The following ITGA8 variants were observed in gnomAD, a reference collection of about 807,000 sequenced individuals.
The protein encoded by ITGA8 is integrin alpha-8.
A neutral mutation model predicts 142.3 loss-of-function variants in ITGA8; 91 were observed. The ratio of observed to expected loss-of-function variants is 0.64; its 90% CI spans 0.54 to 0.76. The LOEUF is 0.76. Among genes scored for constraint, ITGA8 ranks in the 30% least tolerant of loss-of-function variants. The pLI, the probability that ITGA8 is intolerant of heterozygous loss-of-function variation, is 0.00. For missense variants in ITGA8, 1,406 were observed against 1,327.7 expected (o/e 1.06, Z -0.92); for synonymous variants, 505 against 485.2 (o/e 1.04, Z -0.54).
intron 28 of ITGA8, among the ~76,000 whole-genome samples, chr10:15,521,518 G>T (rs1055829169): frequency 3.3e-5 from 5 of 152,288 alleles, no homozygotes; most frequent in Middle Eastern, 3.4e-3. Flanking sequence ...AGTGAGATAG[G>T]GAGAGAGTCA....
chr10:15,687,433 T>G (rs562940771), intron 3 of ITGA8, among the ~76,000 whole-genome samples: 1 of 152,264 alleles, frequency 6.6e-6, no homozygotes, highest in Non-Finnish European at 1.5e-5. Flanking sequence ...AGCTGAAAGA[T>G]TATCTATTTG....
At chr10:15,600,158 C>T (rs559457131) in intron 20 of ITGA8, among the ~76,000 whole-genome samples, 96 of 152,164 alleles carry the variant, frequency 6.3e-4, no homozygotes, top group African/African-American at 1.4e-3. Flanking sequence ...ATGTGCACAA[C>T]GTGCAGGTTT....
At chr10:15,613,945 C>T (rs770303932) in intron 14 of ITGA8, among the ~76,000 whole-genome samples, 178 bp from the exon 15 acceptor site, 11 of 152,160 alleles carry the variant, frequency 7.2e-5, no homozygotes, top group Non-Finnish European at 1.5e-4. Context: ...GGGTATCACA[C>T]TCAACTAATT....
intron 3 of ITGA8, 97 bp downstream of exon 3, chr10:15,687,841 T>C: frequency 1.3e-6 from 1 of 746,008 alleles, no homozygotes; most frequent in Non-Finnish European, 2.4e-6. Flanking sequence ...GTCTAACATG[T>C]TCCTTTAGGA....
At chr10:15,612,315 C>T (rs1833312950) in intron 15 of ITGA8, among the ~76,000 whole-genome samples, 1 of 152,122 alleles carries the variant, frequency 6.6e-6, no homozygotes, top group Non-Finnish European at 1.5e-5. Flanking sequence ...TGTCAAAAGG[C>T]CATCAACAAC....
In ITGA8 at chr10:15,606,268, G is replaced by A; in HGVS notation, c.1902+17C>T. 6.3e-7 allele frequency: 1 copy of A among 1,582,360 alleles called. No homozygotes were observed. Among genetic ancestry groups the A allele is most frequent in the Non-Finnish European group, 8.6e-7 (1 of 1,156,162 alleles). On this transcript the variant is annotated intron_variant, in intron 18 of 29. Transcript: ENST00000378076. ...GCTTGCTTGAGAAAATGCCGTCAAA[G>A]ACTGTGAAGGACTTACCTGTTCACT...
intron 2 of ITGA8, among the ~76,000 whole-genome samples, chr10:15,694,177 A>G (rs1241610488): frequency 1.4e-5 from 2 of 142,918 alleles, no homozygotes; most frequent in East Asian, 2.0e-4. Flanking sequence ...TATATCAGAT[A>G]ATATATCATA....
chr10:15,687,900 C>T, intron 3 of ITGA8, 38 bp downstream of exon 3: 1 of 1,235,370 alleles, frequency 8.1e-7, no homozygotes, highest in Non-Finnish European at 1.2e-6. Flanking sequence ...GCACACCATA[C>T]TCCAAAGCAG....
chr10:15,595,446 G>A (rs1832996313), intron 21 of ITGA8, among the ~76,000 whole-genome samples: 1 of 152,116 alleles, frequency 6.6e-6, no homozygotes, highest in Non-Finnish European at 1.5e-5. Flanking sequence ...AAAGCTATTA[G>A]GTTTCTTTTA....
chr10:15,648,380 A>G (rs1056716900), intron 11 of ITGA8, among the ~76,000 whole-genome samples: 1 of 151,370 alleles, frequency 6.6e-6, no homozygotes, highest in African/African-American at 2.4e-5. Context: ...TATTATTAAT[A>G]TAATTGAGTT....
chr10:15,585,713 C>A (rs898434814), intron 23 of ITGA8, among the ~76,000 whole-genome samples: 1 of 152,146 alleles, frequency 6.6e-6, no homozygotes, highest in Non-Finnish European at 1.5e-5. Context: ...TTTCTGATTT[C>A]TTTTTCCCCC....
intron 23 of ITGA8, among the ~76,000 whole-genome samples, chr10:15,585,340 G>C (rs1045576770): frequency 6.6e-6 from 1 of 152,278 alleles, no homozygotes; most frequent in East Asian, 1.9e-4. Flanking sequence ...CCTGTACAAG[G>C]AGGATACTAG....
At chr10:15,614,919 C>T (rs1384222516) in intron 14 of ITGA8, among the ~76,000 whole-genome samples, 2 of 152,050 alleles carry the variant, frequency 1.3e-5, no homozygotes, top group Non-Finnish European at 2.9e-5. Flanking sequence ...GGATCAAACA[C>T]TTATGAGGAA....
At chr10:15,623,311 C>T (rs1833526326) in intron 13 of ITGA8, among the ~76,000 whole-genome samples, 1 of 152,124 alleles carries the variant, frequency 6.6e-6, no homozygotes, top group African/African-American at 2.4e-5. Flanking sequence ...GCTCCTGAAC[C>T]CACACTGGGC....
Position 15,575,567 on chromosome 10 carries a change from C to T in ITGA8, c.2400G>A (p.Leu800=), listed in dbSNP as rs759217702. The T allele has an allele frequency of 7.4e-6, 12 of 1,613,926 alleles. No homozygotes were observed. Among genetic ancestry groups the T allele is most frequent in the Non-Finnish European group, 1.0e-5 (12 of 1,179,852 alleles). Reference sequence around the variant, plus strand: ...CTTCTGGTTCCCAGTTATGAATGGGCAGAACAATCTGCGGAGGGTGTGACA... The same window carrying T: ...CTTCTGGTTCCCAGTTATGAATGGGTAGAACAATCTGCGGAGGGTGTGACA... ...RGVSHPPQIV[L]PIHNWEPEEE... is the part of the protein sequence containing the mutation. Residue 800 remains leucine (L), a synonymous_variant, in exon 24 of 30, where the codon CTG becomes CTA. Coordinates refer to ENST00000378076, the MANE Select transcript of ITGA8 (RefSeq NM_003638.3).
intron 20 of ITGA8, among the ~76,000 whole-genome samples, chr10:15,601,407 G>C (rs1016765900): frequency 2.6e-5 from 4 of 152,118 alleles, no homozygotes; most frequent in African/African-American, 9.7e-5. Flanking sequence ...GTGCTTACCA[G>C]GGCCTGGGGA....
chr10:15,688,151 T>G, intron 2 of ITGA8, 113 bp from the exon 3 acceptor site: 3 of 724,844 alleles, frequency 4.1e-6, no homozygotes, highest in Non-Finnish European at 4.7e-6. Flanking sequence ...CTTGTCAAAC[T>G]CCTCCAAAAA....
intron 2 of ITGA8, among the ~76,000 whole-genome samples, chr10:15,708,165 A>G (rs1274058067): frequency 6.6e-6 from 1 of 152,166 alleles, no homozygotes; most frequent in East Asian, 1.9e-4. Context: ...CTGAAATTTA[A>G]TTTTACCATT....
chr10:15,528,581 T>C (rs1270983576), intron 28 of ITGA8, among the ~76,000 whole-genome samples: 1 of 150,660 alleles, frequency 6.6e-6, no homozygotes, highest in East Asian at 2.0e-4. Flanking sequence ...GATTATTTTG[T>C]GGATCTTTTG....
Sources: gnomAD v4.1 joint callset for allele counts (sites outside exome capture counted in the v4.1 genomes callset) on GRCh38, gnomAD v4.1.1 for gene constraint, MANE v1.5 for transcripts, NCBI Gene and HGNC (gene_info 2026-07-23, HGNC 2026-07-21) for gene names.